Variants in PIGN observed in about 807,000 individuals in gnomAD.
The protein encoded by PIGN is GPI ethanolamine phosphate transferase 1.
Under a neutral mutation model 125.4 loss-of-function variants are expected in PIGN, and 117 were observed. The ratio of observed to expected loss-of-function variants is 0.93; its 90% CI spans 0.80 to 1.09. The LOEUF is 1.09. PIGN is among the 50% of genes least tolerant of loss of function. PIGN has a pLI of 0.00. For missense variants in PIGN, 1,075 were observed against 1,094.9 expected, an observed-to-expected ratio of 0.98 and a Z score of 0.26; for synonymous variants, 392 against 377.8, an observed-to-expected ratio of 1.04 and a Z score of -0.44.
At chr18:62,182,308 A>G (rs2089313) in intron 1 of PIGN, among the ~76,000 whole-genome samples, 62,331 of 150,832 alleles carry the variant, frequency 0.41, 13,457 homozygotes, top group East Asian at 0.78. Context: ...ATAAATCTAC[A>G]TGGACGTTTC....
At chr18:62,051,391 A>T (rs1488306322) in intron 30 of PIGN, among the ~76,000 whole-genome samples, 18 of 151,760 alleles carry the variant, frequency 1.2e-4, no homozygotes, top group African/African-American at 2.9e-4. Context: ...CTGTTATTGG[A>T]CTATTCAGAG....
At chr18:62,164,891 T>C (rs944662138) in intron 1 of PIGN, among the ~76,000 whole-genome samples, 9 of 152,172 alleles carry the variant, frequency 5.9e-5, no homozygotes, top group Non-Finnish European at 1.2e-4. Context: ...TAGTATAAAT[T>C]AGTGCAGTGG....
At chr18:62,169,364 G>C (rs886556645) in intron 1 of PIGN, among the ~76,000 whole-genome samples, 11 of 152,132 alleles carry the variant, frequency 7.2e-5, no homozygotes, top group Admixed American at 3.3e-4. Context: ...ACAGACACTT[G>C]TGTTGTTTCT....
Position 62,105,576 on chromosome 18 carries a change from G to A in PIGN, c.1826C>T (p.Pro609Leu), listed in dbSNP as rs371792847. 145 of 1,553,316 alleles carry A rather than the reference G, an allele frequency of 9.3e-5. No individual in the cohort carries two copies. The highest frequency in any genetic ancestry group is 1.2e-4 in the Non-Finnish European group (141 of 1,147,176). The change falls in exon 20 of 31, where the codon CCG becomes CTG. Residue 609 changes from proline to leucine, a missense_variant. Physicochemically the swap from Pro to Leu is moderately conservative, Grantham distance 98. Around this residue, in one of 3 missense-constraint regions of PIGN, gnomAD observed 915 missense variants for 908.7 expected, o/e 1.01. Coordinates refer to ENST00000640252, the MANE Select transcript of PIGN (RefSeq NM_176787.5). ...SLLLAVFPLMPVVGRKPDISL... is the reference protein window; with the variant it reads ...SLLLAVFPLMLVVGRKPDISL... ...GATGTCTGGCTTTCGACCTACAACCGGCATCAGTGGGAACACTGCCAGGAG... is the reference window on the plus strand; with the variant it reads ...GATGTCTGGCTTTCGACCTACAACCAGCATCAGTGGGAACACTGCCAGGAG...
At chr18:62,144,371 C>T (rs574519185) in intron 10 of PIGN, among the ~76,000 whole-genome samples, 7 of 152,290 alleles carry the variant, frequency 4.6e-5, no homozygotes, top group African/African-American at 1.4e-4. Flanking sequence ...TAGAGCACTG[C>T]ACTCGGAACA....
intron 4 of PIGN, among the ~76,000 whole-genome samples, chr18:62,160,725 T>C (rs546161831): frequency 8.5e-5 from 13 of 152,294 alleles, no homozygotes; most frequent in Admixed American, 2.6e-4. Flanking sequence ...GTCAGGCTGG[T>C]CTCAAACTCC....
rs1368696272 is a variant in PIGN at position 62,042,785 on chromosome 18, G to A, written c.*3071C>T. ...TAAAATTAGCTAGGTGTGGGGGCAT[G>A]TGCCTGTAGTCTCAGCTACTCAGGA... On this transcript the variant is annotated 3_prime_UTR_variant, in exon 31 of 31. Coordinates refer to ENST00000640252, the MANE Select transcript of PIGN (RefSeq NM_176787.5). 1 of 152,008 alleles carries A rather than the reference G, an allele frequency of 6.6e-6. No individual in the cohort carries two copies. The highest frequency in any genetic ancestry group is 1.5e-5 in the Non-Finnish European group (1 of 67,984). The allele number at this position is 152,008 out of a possible 1,614,324, so 9.4% of individuals were successfully genotyped here.
At chr18:62,160,510 G>A (rs1242012094) in intron 4 of PIGN, among the ~76,000 whole-genome samples, 1 of 150,928 alleles carries the variant, frequency 6.6e-6, no homozygotes, top group Non-Finnish European at 1.5e-5. Context: ...AAAATTAGCA[G>A]ACTTTTTTTT....
chr18:62,077,441 G>C (rs76021187), intron 28 of PIGN, among the ~76,000 whole-genome samples: 1 of 151,960 alleles, frequency 6.6e-6, no homozygotes. Context: ...AAAAAGTTTT[G>C]ATTTTTTAGA....
chr18:62,128,334 G>T (rs1448405218), intron 14 of PIGN, among the ~76,000 whole-genome samples: 1 of 152,230 alleles, frequency 6.6e-6, no homozygotes, highest in African/African-American at 2.4e-5. Context: ...AGATTTGCTT[G>T]TGGTAAAAAG....
chr18:62,165,806 A>G (rs2037112704), intron 1 of PIGN, among the ~76,000 whole-genome samples: 1 of 152,192 alleles, frequency 6.6e-6, no homozygotes, highest in African/African-American at 2.4e-5. Context: ...AAGGACAGTA[A>G]TGAGTAATCT....
downstream of PIGN, among the ~76,000 whole-genome samples, chr18:62,039,548 T>TC (rs2030310831): frequency 2.1e-5 from 1 of 47,102 alleles, no homozygotes; most frequent in Non-Finnish European, 4.4e-5. Context: ...ATGTTTAGGG[T>TC]CCATCCAGGG....
chr18:62,111,331 A>G (rs75730874), intron 16 of PIGN, among the ~76,000 whole-genome samples: 5,959 of 152,160 alleles, frequency 0.039, 390 homozygotes, highest in African/African-American at 0.14. Flanking sequence ...CCAGAAGAAC[A>G]GTACATCTTC....
At chr18:62,079,234 C>A (rs565181433) in intron 28 of PIGN, among the ~76,000 whole-genome samples, 1 of 152,270 alleles carries the variant, frequency 6.6e-6, no homozygotes, top group African/African-American at 2.4e-5. Context: ...GAGAAGTCTC[C>A]CTGAATCACT....
At chr18:62,116,001 A>G (rs1768037424) in intron 14 of PIGN, among the ~76,000 whole-genome samples, 1 of 152,156 alleles carries the variant, frequency 6.6e-6, no homozygotes, top group African/African-American at 2.4e-5. Flanking sequence ...AGATATTCCA[A>G]CTCAGGGGAA....
rs7243987 is a variant in PIGN at position 62,168,442 on chromosome 18, T to A, written c.-235-4786A>T. On this transcript the variant is annotated intron_variant, in intron 1 of 30. Coordinates refer to ENST00000640252, the MANE Select transcript of PIGN (RefSeq NM_176787.5). ...CCCACTCTTTCTCTGCTTTGCTCCATCCCAGCCTTGCCTCTGTGCTTTGTC... is the reference window on the plus strand; with the variant it reads ...CCCACTCTTTCTCTGCTTTGCTCCAACCCAGCCTTGCCTCTGTGCTTTGTC... Among the ~76,000 whole-genome samples, 466 of 152,306 alleles carry A rather than the reference T, an allele frequency of 3.1e-3. 4 individuals carry two copies. The highest frequency in any genetic ancestry group is 0.011 in the African/African-American group (440 of 41,576).
intron 14 of PIGN, among the ~76,000 whole-genome samples, chr18:62,130,078 G>A (rs964518347): frequency 2.0e-5 from 3 of 152,164 alleles, no homozygotes; most frequent in African/African-American, 7.2e-5. Flanking sequence ...AGGATTGCTT[G>A]CAGCCCCCAG....
At chr18:62,067,629 TC>T (rs1465597197) in intron 30 of PIGN, among the ~76,000 whole-genome samples, 1 of 152,234 alleles carries the variant, frequency 6.6e-6, no homozygotes, top group Admixed American at 6.5e-5. Context: ...CTGATAGTCA[TC>T]CATGTAGTTG....
intron 11 of PIGN, among the ~76,000 whole-genome samples, chr18:62,142,088 C>G (rs745839365): frequency 2.0e-5 from 3 of 152,182 alleles, no homozygotes; most frequent in Non-Finnish European, 4.4e-5. Flanking sequence ...GCAGTACTTA[C>G]CACAGCTATA....
Sources: gnomAD v4.1 joint callset for allele counts (sites outside exome capture counted in the v4.1 genomes callset) on GRCh38, gnomAD v4.1.1 for gene constraint, gnomAD v4.1.1 regional missense constraint, MANE v1.5 for transcripts, NCBI Gene and HGNC (gene_info 2026-07-23, HGNC 2026-07-21) for gene names.